Variants in CCSER1 observed in about 807,000 individuals in gnomAD.
CCSER1 encodes coiled-coil serine rich protein 1, also known as serine-rich coiled-coil domain-containing protein 1.
Under a neutral mutation model 82.0 loss-of-function variants are expected in CCSER1, and 41 were observed. The ratio of observed to expected loss-of-function variants is 0.50; its 90% CI spans 0.39 to 0.65. The LOEUF (loss-of-function observed/expected upper bound fraction) is 0.65, where lower values mean the gene tolerates loss of function less well. Among genes scored for constraint, CCSER1 ranks in the 30% least tolerant of loss-of-function variants. The probability of loss-of-function intolerance (pLI) is 0.00; values close to 1 mark genes in which losing one functional copy is unlikely to be tolerated. For synonymous variants in CCSER1, 414 were observed against 383.9 expected (o/e 1.08, Z -0.92); for missense variants, 1,119 against 1,064.2 (o/e 1.05, Z -0.72).
intron 10 of CCSER1, among the ~76,000 whole-genome samples, chr4:91,358,638 G>C (rs1473053048): frequency 2.0e-5 from 3 of 152,110 alleles, no homozygotes; most frequent in Admixed American, 1.3e-4. Flanking sequence ...GGGTGATCAG[G>C]CCACGCTTCC....
chr4:90,465,197 T>C (rs947597276), intron 4 of CCSER1, among the ~76,000 whole-genome samples: 13 of 152,170 alleles, frequency 8.5e-5, no homozygotes, highest in African/African-American at 2.9e-4. Context: ...CTCTTGACCT[T>C]GTGATCTGCC....
intron 5 of CCSER1, among the ~76,000 whole-genome samples, chr4:90,614,339 GC>G (rs754027496): frequency 1.7e-4 from 26 of 152,016 alleles, no homozygotes; most frequent in Non-Finnish European, 3.4e-4. Context: ...ATTCTACAAT[GC>G]CCTGTAGATG....
rs969270726 is a variant in CCSER1, at chr4:90,335,171, A to G, written c.1509+22124A>G. 2.6e-5 allele frequency among the ~76,000 whole-genome samples: 4 copies of G among 152,242 alleles called. No homozygotes were observed. The South Asian group carries it at 6.2e-4, about 24-fold the overall frequency. ...ACTGGACATGAAGAAACAAGTAGCC[A>G]GAGATGCAGTTGGCATGAGCTGATT... is the stretch of plus-strand genomic sequence containing the variant. On this transcript the variant is annotated intron_variant, in intron 3 of 10. Transcript: ENST00000509176.
intron 8 of CCSER1, among the ~76,000 whole-genome samples, chr4:90,891,572 A>G (rs1722974983): frequency 6.6e-6 from 1 of 152,018 alleles, no homozygotes; most frequent in Non-Finnish European, 1.5e-5. Context: ...ATATAAATTT[A>G]CCTTAAGACT....
At chr4:90,206,061 T>G (rs553989087) in intron 1 of CCSER1, among the ~76,000 whole-genome samples, 1 of 150,968 alleles carries the variant, frequency 6.6e-6, no homozygotes, top group South Asian at 2.1e-4. Flanking sequence ...TATCATTTTT[T>G]ATTGTGTCTA....
At chr4:91,572,804 A>G (rs1763248180) in intron 10 of CCSER1, among the ~76,000 whole-genome samples, 1 of 150,060 alleles carries the variant, frequency 6.7e-6, no homozygotes, top group Non-Finnish European at 1.5e-5. Flanking sequence ...TCTACTAAAA[A>G]TCTATAAAAA....
rs752050431 is a variant in CCSER1, at chr4:90,838,970, G to A, written c.2094+23125G>A. The A allele has an allele frequency of 6.8e-6, 11 of 1,612,984 alleles. No homozygotes were observed. In the East Asian group the frequency reaches 1.1e-4, roughly 16 times the overall value. On this transcript the variant is annotated intron_variant, in intron 8 of 10. Coordinates refer to ENST00000509176, the MANE Select transcript of CCSER1 (RefSeq NM_001145065.2). ...GGAAGGCAGTGGATTTTTCTCTTGC[G>A]TCTCTGTCTTCTTCAGTTTCGGCTT...
In CCSER1 at chr4:91,459,566, AG is replaced by A. The variant is rs1405650368; in HGVS notation, c.2218-139005del. 7.9e-5 allele frequency among the ~76,000 whole-genome samples: 12 copies of A among 152,292 alleles called. 1 individual carries two copies. The highest frequency in any genetic ancestry group is 3.9e-4 in the Admixed American group (6 of 15,288). ...TAGGGAGATGAAATAACAGATACAA[AG>A]ATGAATATTTAGAGATTTAGAGAAG... On this transcript the variant is annotated intron_variant, in intron 10 of 10. Coordinates refer to ENST00000509176, the MANE Select transcript of CCSER1 (RefSeq NM_001145065.2).
Position 91,411,704 on chromosome 4 carries a change from A to AT in CCSER1, c.2218-186856dup, listed in dbSNP as rs758924279. ...TTTGAGAGTTTGAGAAAGGGTTTTC[A>AT]TTTTTTTTTTTTCATCCCACTACTG... On this transcript the variant is annotated intron_variant, in intron 10 of 10. Coordinates refer to ENST00000509176, the MANE Select transcript of CCSER1 (RefSeq NM_001145065.2). Among the ~76,000 whole-genome samples the AT allele has an allele frequency of 6.5e-3, 879 of 136,104 alleles. 5 individuals carry two copies. The highest frequency in any genetic ancestry group is 0.017 in the African/African-American group (614 of 36,574). The allele number at this position is 136,104 out of a possible 152,430, so 89.3% of individuals were successfully genotyped here. A position where few individuals can be genotyped will look rare whatever the true frequency, so the allele number is the denominator to read the frequency against.
intron 10 of CCSER1, among the ~76,000 whole-genome samples, chr4:91,161,273 G>C (rs555531545): frequency 2.0e-5 from 3 of 152,128 alleles, no homozygotes; most frequent in South Asian, 4.1e-4. Context: ...TCTCTGTTTT[G>C]GTACTAGTAC....
intron 10 of CCSER1, among the ~76,000 whole-genome samples, chr4:91,236,653 A>T (rs1040910521): frequency 3.3e-5 from 5 of 152,336 alleles, no homozygotes; most frequent in African/African-American, 9.6e-5. Context: ...ATGCATAAAT[A>T]AAATATTAAG....
At chr4:90,242,912 T>C (rs1720633974) in intron 1 of CCSER1, among the ~76,000 whole-genome samples, 1 of 152,170 alleles carries the variant, frequency 6.6e-6, no homozygotes, top group African/African-American at 2.4e-5. Flanking sequence ...CCCAGGCCCT[T>C]TCTACTACAT....
intron 10 of CCSER1, among the ~76,000 whole-genome samples, chr4:91,149,934 G>T (rs7664671): frequency 0.73 from 110,382 of 151,976 alleles, 40,389 homozygotes; most frequent in Non-Finnish European, 0.78. Context: ...CTTTGTTCTT[G>T]TGGCTTAGGA....
intron 7 of CCSER1, among the ~76,000 whole-genome samples, chr4:90,745,387 G>T (rs1747242211): frequency 2.0e-5 from 3 of 152,128 alleles, no homozygotes; most frequent in South Asian, 2.1e-4. Context: ...CTATTACAAG[G>T]TTGGCTGATT....
chr4:90,316,966 T>TA (rs779785275), intron 3 of CCSER1, among the ~76,000 whole-genome samples: 21 of 152,240 alleles, frequency 1.4e-4, no homozygotes, highest in Non-Finnish European at 2.9e-4. Flanking sequence ...CTCTTTATAG[T>TA]ATTTTTCCAA....
chr4:90,738,960 C>A (rs1213618555), intron 7 of CCSER1, among the ~76,000 whole-genome samples: 1 of 152,160 alleles, frequency 6.6e-6, no homozygotes, highest in African/African-American at 2.4e-5. Context: ...GTTGCTCTTC[C>A]CCACTATGGT....
chr4:91,309,667 A>G (rs535128905), intron 10 of CCSER1, among the ~76,000 whole-genome samples: 119 of 152,164 alleles, frequency 7.8e-4, no homozygotes, highest in Non-Finnish European at 1.5e-3. Context: ...ACAAGGAACA[A>G]CCAAGGCACT....
intron 8 of CCSER1, among the ~76,000 whole-genome samples, chr4:90,832,068 G>A (rs973778552): frequency 1.3e-5 from 2 of 148,916 alleles, no homozygotes; most frequent in African/African-American, 2.4e-5. Flanking sequence ...ACAAGCATCA[G>A]GTATTACTAT....
chr4:90,947,819 C>A (rs1732438884), intron 9 of CCSER1, among the ~76,000 whole-genome samples: 1 of 152,064 alleles, frequency 6.6e-6, no homozygotes, highest in Non-Finnish European at 1.5e-5. Context: ...AATGACTTTC[C>A]TGTTCCCAAA....
Sources: allele counts gnomAD v4.1 joint callset (sites outside exome capture counted in the v4.1 genomes callset), GRCh38; gene constraint gnomAD v4.1.1; transcripts MANE v1.5; gene names NCBI Gene and HGNC (gene_info 2026-07-23, HGNC 2026-07-21).